RHCG: variants seen among roughly 807,000 people sequenced by gnomAD.
RHCG encodes Rh family C glycoprotein.
A neutral mutation model predicts 55.3 loss-of-function variants in RHCG; 39 were observed. That is an observed-to-expected ratio of 0.70 (90% CI 0.55 to 0.92). RHCG has a LOEUF of 0.92. Among genes scored for constraint, RHCG ranks in the 40% least tolerant of loss-of-function variants. The probability of loss-of-function intolerance (pLI) is 0.00; values close to 1 mark genes in which losing one functional copy is unlikely to be tolerated. For missense variants in RHCG, 635 were observed against 627.9 expected, an observed-to-expected ratio of 1.01 and a Z score of -0.12; for synonymous variants, 250 against 246.8, an observed-to-expected ratio of 1.01 and a Z score of -0.12.
rs755322542 is a variant in RHCG at position 89,483,020 on chromosome 15, C to G, written c.522+47G>C. 9.3e-6 allele frequency: 14 copies of G among 1,509,878 alleles called. No homozygotes were observed. In the African/African-American group the frequency reaches 1.9e-4, roughly 21 times the overall value. 93.5% of individuals were successfully genotyped at this position (1,509,878 alleles called of 1,614,324 possible). A position where few individuals can be genotyped will look rare whatever the true frequency, so the allele number is the denominator to read the frequency against. On this transcript the variant is annotated intron_variant, in intron 3 of 10. Transcript: ENST00000268122. ...GTCTATTTCTCCATACCCTGCTGTC[C>G]CCCAAAGCACCCCCACCACCTCATC...
At chr15:89,494,142 C>T (rs1055566027) in intron 1 of RHCG, among the ~76,000 whole-genome samples, 14 of 152,036 alleles carry the variant, frequency 9.2e-5, no homozygotes, top group Non-Finnish European at 1.8e-4. Context: ...TGCCCCTCCT[C>T]GCAACACCAC....
chr15:89,488,267 A>G (rs986013516), intron 1 of RHCG, among the ~76,000 whole-genome samples: 1 of 148,404 alleles, frequency 6.7e-6, no homozygotes. Flanking sequence ...GCTCTTGCCT[A>G]CAGTAGAATG....
chr15:89,486,674 G>T, intron 2 of RHCG, 125 bp downstream of exon 2: 3 of 731,678 alleles, frequency 4.1e-6, no homozygotes, highest in Non-Finnish European at 6.6e-6. Context: ...GTGGCCCAAA[G>T]GAGGAGTTGC....
intron 10 of RHCG, among the ~76,000 whole-genome samples, chr15:89,472,504 C>T (rs558171543): frequency 1.3e-5 from 2 of 152,324 alleles, no homozygotes; most frequent in African/African-American, 4.8e-5. Context: ...TTCACCTGTT[C>T]CTGTGTCTGT....
At chr15:89,487,540 C>T (rs996522003) in intron 1 of RHCG, among the ~76,000 whole-genome samples, 4 of 152,208 alleles carry the variant, frequency 2.6e-5, no homozygotes, top group African/African-American at 9.6e-5. Context: ...GTAGCCTGGA[C>T]AGGCCAAGCA....
At position 89,479,454 on chromosome 15, in the gene RHCG, G is replaced by A; in HGVS notation, c.705C>T (p.Phe235=). The A allele has an allele frequency of 6.2e-7, 1 of 1,613,818 alleles. No homozygotes were observed. The highest frequency in any genetic ancestry group is 1.3e-5 in the African/African-American group (1 of 75,054). The change falls in exon 5 of 11, where the codon TTC becomes TTT. Residue 235 remains phenylalanine (F), a synonymous_variant. Coordinates refer to ENST00000268122, the MANE Select transcript of RHCG (RefSeq NM_016321.3). ...TLFLWMYWPS[F]NSAISYHGDS... ...CCCCATGGTAGGATATGGCTGAGTT[G>A]AAGCTGGGCCAGTACATCCACAGGA...
chr15:89,491,955 GCAAT>G (rs1405253562), intron 1 of RHCG, among the ~76,000 whole-genome samples: 4 of 152,132 alleles, frequency 2.6e-5, no homozygotes, highest in African/African-American at 9.7e-5. Flanking sequence ...ATGGTATAAC[GCAAT>G]CAAAGCCCTA....
intron 1 of RHCG, among the ~76,000 whole-genome samples, chr15:89,492,056 T>C (rs909181542): frequency 7.9e-6 from 1 of 126,024 alleles, no homozygotes; most frequent in South Asian, 2.9e-4. Context: ...AAGGTTGCAT[T>C]GGGTTGGCAA....
Position 89,472,724 on chromosome 15 carries a change from G to C in RHCG, c.*11C>G. On this transcript the variant is annotated 3_prime_UTR_variant, in exon 10 of 11. Coordinates refer to ENST00000268122, the MANE Select transcript of RHCG (RefSeq NM_016321.3). ...GCCCATGCTCACCTGCTCCTCACCT[G>C]CCCTGGGAGCCTAGGGTACCAAGGG... The C allele has an allele frequency of 6.2e-7, 1 of 1,609,746 alleles. No homozygotes were observed. Among genetic ancestry groups the C allele is most frequent in the Non-Finnish European group, 8.5e-7 (1 of 1,178,036 alleles).
At chr15:89,489,444 C>G (rs1417683414) in intron 1 of RHCG, among the ~76,000 whole-genome samples, 1 of 152,108 alleles carries the variant, frequency 6.6e-6, no homozygotes, top group Non-Finnish European at 1.5e-5. Flanking sequence ...TTTCTTTGTG[C>G]TATTTCTGTT....
At chr15:89,476,647 C>G in intron 9 of RHCG, 108 bp downstream of exon 9, 1 of 887,602 alleles carries the variant, frequency 1.1e-6, no homozygotes, top group Non-Finnish European at 1.9e-6. Flanking sequence ...TAGGCTCTGA[C>G]CCCCACCCCC....
In RHCG at chr15:89,496,458, G is replaced by C. The variant is rs185295226; in HGVS notation, c.87C>G (p.Phe29Leu). 27 of 1,613,870 alleles carry C rather than the reference G, an allele frequency of 1.7e-5. No individual in the cohort carries two copies. Among genetic ancestry groups the C allele is most frequent in the South Asian group, 2.2e-5 (2 of 91,092 alleles). Residue 29 changes from phenylalanine (F) to leucine (L), a missense_variant, in exon 1 of 11, where the codon TTC becomes TTG. Phe to Leu is a conservative substitution (Grantham distance 22). Coordinates refer to ENST00000268122, the MANE Select transcript of RHCG (RefSeq NM_016321.3). ...QVIMVILFGV[F>L]VRYDFEADAH... ...CGTCGGCCTCGAAGTCGTAGCGCACGAACACCCCGAAGAGAATCACCATAA... is the reference window on the plus strand; with the variant it reads ...CGTCGGCCTCGAAGTCGTAGCGCACCAACACCCCGAAGAGAATCACCATAA...
intron 3 of RHCG, among the ~76,000 whole-genome samples, chr15:89,480,782 A>G (rs1961252625): frequency 1.3e-5 from 2 of 152,190 alleles, no homozygotes; most frequent in Non-Finnish European, 2.9e-5. Context: ...CAAGCTCTGC[A>G]TTTACACCAC....
intron 1 of RHCG, among the ~76,000 whole-genome samples, chr15:89,493,202 A>G (rs569243237): frequency 3.6e-4 from 55 of 151,760 alleles, no homozygotes; most frequent in Admixed American, 2.7e-3. Context: ...AATGTGTCCC[A>G]CTCCTCCCTT....
At chr15:89,479,599 C>T in intron 4 of RHCG, 111 bp from the exon 5 acceptor site, 1 of 965,132 alleles carries the variant, frequency 1.0e-6, no homozygotes, top group Non-Finnish European at 1.5e-6. Flanking sequence ...CCACACCCAG[C>T]TGTTTCCACC....
At chr15:89,476,230 A>G (rs894142608) in intron 9 of RHCG, among the ~76,000 whole-genome samples, 10 of 152,054 alleles carry the variant, frequency 6.6e-5, no homozygotes, top group Non-Finnish European at 1.0e-4. Flanking sequence ...CCATGTCTGA[A>G]TAAGTTTTCT....
At chr15:89,487,062 C>G (rs1961387954) in intron 1 of RHCG, 77 bp from the exon 2 acceptor site, 1 of 1,329,360 alleles carries the variant, frequency 7.5e-7, no homozygotes, top group Non-Finnish European at 1.0e-6. Context: ...CCAGGAAGGC[C>G]GGGGTAGCCC....
intron 3 of RHCG, among the ~76,000 whole-genome samples, chr15:89,481,072 C>G (rs1372142684): frequency 6.6e-6 from 1 of 152,154 alleles, no homozygotes; most frequent in Non-Finnish European, 1.5e-5. Context: ...TTCTCGACTC[C>G]CAGCCTAGCA....
At chr15:89,479,739 C>T (rs1961230161) in intron 4 of RHCG, 1 of 524,282 alleles carries the variant, frequency 1.9e-6, no homozygotes, top group African/African-American at 1.9e-5. Flanking sequence ...TGCCCCCACC[C>T]TGTTCCCACA....
Sources: allele counts gnomAD v4.1 joint callset (sites outside exome capture counted in the v4.1 genomes callset), GRCh38; gene constraint gnomAD v4.1.1; transcripts MANE v1.5; gene names NCBI Gene and HGNC (gene_info 2026-07-23, HGNC 2026-07-21).